The following SLC14A2 variants were observed in gnomAD, a reference collection of about 807,000 sequenced individuals.
SLC14A2 encodes the protein solute carrier family 14 member 2.
In SLC14A2, 91 loss-of-function variants were observed where a neutral mutation model predicts 104.6. That is an observed-to-expected ratio of 0.87 (90% confidence interval 0.73 to 1.04). The LOEUF (loss-of-function observed/expected upper bound fraction) is 1.04. Ranked by LOEUF, SLC14A2 falls within the 50% of genes least tolerant of loss-of-function variation. The probability of loss-of-function intolerance (pLI) is 0.00; values close to 1 mark genes in which losing one functional copy is unlikely to be tolerated. For synonymous variants in SLC14A2, 476 were observed against 466.4 expected (o/e 1.02, Z -0.27); for missense variants, 1,189 against 1,156.0 (o/e 1.03, Z -0.41).
At chr18:45,565,050 G>T (rs973281823) in intron 2 of SLC14A2, among the ~76,000 whole-genome samples, 2 of 31,086 alleles carry the variant, frequency 6.4e-5, no homozygotes, top group Non-Finnish European at 1.2e-4. Flanking sequence ...TGTGGGTGAT[G>T]TGTGTGTGTT....
At chr18:45,282,000 C>T (rs561909732) in intron 1 of SLC14A2, among the ~76,000 whole-genome samples, 1 of 152,242 alleles carries the variant, frequency 6.6e-6, no homozygotes, top group South Asian at 2.1e-4. Flanking sequence ...AGCTGATCTC[C>T]TACCTACCTT....
chr18:45,324,575 C>T (rs2085216273), intron 1 of SLC14A2, among the ~76,000 whole-genome samples: 2 of 151,978 alleles, frequency 1.3e-5, no homozygotes, highest in African/African-American at 4.8e-5. Flanking sequence ...GGGGCTGTTA[C>T]CCTATCCCAA....
At chr18:45,437,636 T>TC in intron 1 of SLC14A2, among the ~76,000 whole-genome samples, 1 of 152,310 alleles carries the variant, frequency 6.6e-6, no homozygotes, top group South Asian at 2.1e-4. Flanking sequence ...GTCACCGCCC[T>TC]CCAGCCGCAC....
chr18:45,497,402 T>G (rs2043117457), intron 2 of SLC14A2, among the ~76,000 whole-genome samples: 2 of 152,196 alleles, frequency 1.3e-5, no homozygotes, highest in Non-Finnish European at 2.9e-5. Context: ...GGGGGTCATA[T>G]TCAACTGAAG....
intron 1 of SLC14A2, among the ~76,000 whole-genome samples, chr18:45,374,539 C>A (rs1024529743): frequency 6.6e-6 from 1 of 151,282 alleles, no homozygotes; most frequent in Non-Finnish European, 1.5e-5. Context: ...ATCCCTACTC[C>A]CACCCCCACC....
intron 2 of SLC14A2, among the ~76,000 whole-genome samples, chr18:45,562,185 A>G (rs1466122437): frequency 6.6e-6 from 1 of 152,232 alleles, no homozygotes; most frequent in Non-Finnish European, 1.5e-5. Flanking sequence ...ATGCATTCAG[A>G]AGAGTTCCTC....
At chr18:45,642,042 G>T in intron 8 of SLC14A2, among the ~76,000 whole-genome samples, 1 of 152,144 alleles carries the variant, frequency 6.6e-6, no homozygotes, top group Non-Finnish European at 1.5e-5. Context: ...GGCTCAGAGG[G>T]GCTAATTAAC....
At chr18:45,335,501 G>A (rs548506763) in intron 1 of SLC14A2, among the ~76,000 whole-genome samples, 3 of 152,016 alleles carry the variant, frequency 2.0e-5, no homozygotes, top group Admixed American at 2.0e-4. Flanking sequence ...TGTATCCTGG[G>A]TGTAACCACC....
At position 45,668,472 on chromosome 18, in the gene SLC14A2, G is replaced by A. The variant is rs1191666946; in HGVS notation, c.2031G>A (p.Met677Ile). 1 of 1,614,104 alleles carries A rather than the reference G, an allele frequency of 6.2e-7. No homozygotes were observed. The highest frequency in any genetic ancestry group is 1.7e-5 in the Admixed American group (1 of 60,020). ...WLLLPVIIMS[M>I]SCPILSSALG... ...TGCTACCCGTCATCATCATGTCCAT[G>A]TCTTGGTAAGTTTGCTTTTGAAGGG... The change falls in exon 15 of 20, where the codon ATG becomes ATA. Residue 677 changes from methionine to isoleucine, a missense_variant. By Grantham distance (10) the Met-to-Ile change is conservative. Coordinates refer to ENST00000255226, the MANE Select transcript of SLC14A2 (RefSeq NM_007163.4).
chr18:45,367,850 C>G (rs2085682160), intron 1 of SLC14A2, among the ~76,000 whole-genome samples: 1 of 152,122 alleles, frequency 6.6e-6, no homozygotes, highest in African/African-American at 2.4e-5. Flanking sequence ...ACTTCTGGCT[C>G]TTGAGTTCAG....
intron 1 of SLC14A2, among the ~76,000 whole-genome samples, chr18:45,299,824 C>T (rs2084951134): frequency 1.3e-5 from 2 of 152,222 alleles, no homozygotes; most frequent in Admixed American, 1.3e-4. Flanking sequence ...TCTCCACTCC[C>T]CATTTCTTGT....
intron 1 of SLC14A2, among the ~76,000 whole-genome samples, chr18:45,263,305 A>G (rs1463204455): frequency 2.0e-5 from 3 of 152,196 alleles, no homozygotes; most frequent in Admixed American, 1.3e-4. Flanking sequence ...TTACCAAGGA[A>G]GTGATGTGTT....
At chr18:45,675,709 ATTT>A (rs71177687) in intron 18 of SLC14A2, among the ~76,000 whole-genome samples, 3,803 of 78,132 alleles carry the variant, frequency 0.049, 91 homozygotes, top group Admixed American at 0.063. Context: ...ATATATATAT[ATTT>A]TTTTTTTTTT....
intron 1 of SLC14A2, among the ~76,000 whole-genome samples, chr18:45,318,057 G>T (rs984446266): frequency 3.3e-5 from 5 of 152,210 alleles, no homozygotes; most frequent in Non-Finnish European, 7.3e-5. Context: ...ACCTGGGAAA[G>T]ACTGTAAACT....
intron 2 of SLC14A2, among the ~76,000 whole-genome samples, chr18:45,557,872 G>A (rs796956432): frequency 1.4e-4 from 21 of 152,238 alleles, no homozygotes; most frequent in African/African-American, 4.3e-4. Context: ...TCCTAGACTG[G>A]CATCAGTATA....
intron 1 of SLC14A2, among the ~76,000 whole-genome samples, chr18:45,455,522 A>C (rs1359557323): frequency 6.6e-6 from 1 of 152,142 alleles, no homozygotes; most frequent in Non-Finnish European, 1.5e-5. Flanking sequence ...GAAGGACAGC[A>C]TTAGGAGAAA....
chr18:45,284,436 G>C lies in SLC14A2; in HGVS notation c.-125+71245G>C, dbSNP rs116094048. On this transcript the variant is annotated intron_variant, in intron 1 of 20. Coordinates refer to the SLC14A2 transcript ENST00000586448. ...TCTGTGTTTGGCAATGTTTTGGCAG[G>C]CGCTGTCTCCTTCATGCTCTAGGTC... is the stretch of plus-strand genomic sequence containing the variant. 2.6e-3 allele frequency among the ~76,000 whole-genome samples: 400 copies of C among 152,178 alleles called. 3 individuals are homozygous for C. Among genetic ancestry groups the C allele is most frequent in the African/African-American group, 9.2e-3 (382 of 41,518 alleles).
chr18:45,473,863 C>A (rs1356910057), intron 1 of SLC14A2, among the ~76,000 whole-genome samples: 1 of 152,108 alleles, frequency 6.6e-6, no homozygotes, highest in East Asian at 1.9e-4. Flanking sequence ...ATTTGAATAT[C>A]CTTTATTTTT....
At chr18:45,401,716 T>C (rs2086098195) in intron 1 of SLC14A2, among the ~76,000 whole-genome samples, 1 of 152,200 alleles carries the variant, frequency 6.6e-6, no homozygotes, top group South Asian at 2.1e-4. Context: ...TAGGGATACT[T>C]ATACAGAAGT....
Sources: allele counts gnomAD v4.1 joint callset (sites outside exome capture counted in the v4.1 genomes callset), GRCh38; gene constraint gnomAD v4.1.1; transcripts MANE v1.5; gene names NCBI Gene and HGNC (gene_info 2026-07-23, HGNC 2026-07-21).